COL13A1: variants seen among roughly 807,000 people sequenced by gnomAD.
COL13A1 encodes the protein collagen alpha-1(XIII) chain.
A neutral mutation model predicts 130.9 loss-of-function variants in COL13A1; 89 were observed. The observed-to-expected ratio is 0.68, with a 90% confidence interval of 0.57 to 0.81. COL13A1 has a LOEUF of 0.81. COL13A1 is among the 30% of genes least tolerant of loss of function. COL13A1 has a pLI of 0.00. For synonymous variants in COL13A1, 402 were observed against 341.6 expected (o/e 1.18, Z -1.95); for missense variants, 879 against 934.6 (o/e 0.94, Z 0.78).
At chr10:69,916,391 C>A (rs1436357376) in intron 17 of COL13A1, among the ~76,000 whole-genome samples, 1 of 152,206 alleles carries the variant, frequency 6.6e-6, no homozygotes, top group African/African-American at 2.4e-5. Context: ...CCAGCTGGGG[C>A]TTCGTGCTCA....
chr10:69,810,341 T>A (rs1006172055), intron 1 of COL13A1, among the ~76,000 whole-genome samples: 6 of 85,972 alleles, frequency 7.0e-5, no homozygotes, highest in African/African-American at 2.9e-4. Flanking sequence ...TGGCAGGCCC[T>A]GAGAATGAGA....
intron 2 of COL13A1, among the ~76,000 whole-genome samples, chr10:69,862,680 C>A (rs1412205245): frequency 6.6e-6 from 1 of 152,204 alleles, no homozygotes; most frequent in Non-Finnish European, 1.5e-5. Flanking sequence ...CATGTGCCTC[C>A]TTCAAGCTTC....
intron 2 of COL13A1, among the ~76,000 whole-genome samples, chr10:69,828,176 C>A (rs1227754): frequency 0.99 from 150,850 of 152,268 alleles, 74,736 homozygotes; most frequent in East Asian, 1. Flanking sequence ...AAGAGATCCT[C>A]CTGTTCGATT....
chr10:69,807,571 G>A (rs1323540539), intron 1 of COL13A1, among the ~76,000 whole-genome samples: 1 of 152,212 alleles, frequency 6.6e-6, no homozygotes, highest in Non-Finnish European at 1.5e-5. Context: ...AAAGATTGGG[G>A]CTGTGGATGG....
intron 10 of COL13A1, among the ~76,000 whole-genome samples, chr10:69,893,425 G>A (rs1441207664): frequency 1.3e-5 from 2 of 152,230 alleles, no homozygotes; most frequent in Non-Finnish European, 2.9e-5. Context: ...TGGTCCCAAA[G>A]GCCACTTCTC....
chr10:69,914,847 A>C (rs900496527), intron 17 of COL13A1, among the ~76,000 whole-genome samples: 2 of 152,212 alleles, frequency 1.3e-5, no homozygotes, highest in African/African-American at 4.8e-5. Flanking sequence ...CTGGCCACAG[A>C]GCGGCTGTGC....
At chr10:69,832,027 G>T (rs1277204651) in intron 2 of COL13A1, among the ~76,000 whole-genome samples, 1 of 152,168 alleles carries the variant, frequency 6.6e-6, no homozygotes, top group Admixed American at 6.5e-5. Context: ...AGGGCTTCAG[G>T]TGACATGGGG....
Position 69,958,725 on chromosome 10 carries a change from G to A in COL13A1, c.*24G>A, listed in dbSNP as rs533913053. On this transcript the variant is annotated 3_prime_UTR_variant, in exon 41 of 41. Transcript: ENST00000645393. ...GATGCCTCTAACCTTGGATTGGCCTGTGTGTGTGTTTGTACATAGAATATT... is the reference window on the plus strand; with the variant it reads ...GATGCCTCTAACCTTGGATTGGCCTATGTGTGTGTTTGTACATAGAATATT... 2 of 1,611,674 alleles carry A rather than the reference G, an allele frequency of 1.2e-6. No individual in the cohort carries two copies. The highest frequency in any genetic ancestry group is 2.2e-5 in the South Asian group (2 of 90,736).
intron 21 of COL13A1, among the ~76,000 whole-genome samples, chr10:69,920,302 T>G (rs866375363): frequency 2.0e-5 from 3 of 152,214 alleles, no homozygotes; most frequent in Admixed American, 6.5e-5. Context: ...CTCACATTAT[T>G]ACACATGAGA....
At chr10:69,898,316 C>G (rs1322098677) in intron 13 of COL13A1, among the ~76,000 whole-genome samples, 2 of 152,220 alleles carry the variant, frequency 1.3e-5, no homozygotes, top group African/African-American at 4.8e-5. Context: ...GGCTGTGTGT[C>G]CAGCAGCCTC....
chr10:69,828,866 C>T (rs1247031199), intron 2 of COL13A1, among the ~76,000 whole-genome samples: 1 of 152,222 alleles, frequency 6.6e-6, no homozygotes, highest in Non-Finnish European at 1.5e-5. Flanking sequence ...AGAGGTTTCT[C>T]CCTGACTGCT....
At chr10:69,895,628 C>T (rs368552085) in intron 13 of COL13A1, 52 bp downstream of exon 13, 21 of 1,596,812 alleles carry the variant, frequency 1.3e-5, no homozygotes, top group Non-Finnish European at 1.5e-5. Flanking sequence ...CCCTGGGGCA[C>T]AGCGCCCAGC....
At chr10:69,819,147 G>C (rs79310210) in intron 1 of COL13A1, among the ~76,000 whole-genome samples, 2,461 of 152,294 alleles carry the variant, frequency 0.016, 64 homozygotes, top group African/African-American at 0.056. Context: ...GAAGTTAGAG[G>C]ACCCAGAATT....
rs535834796 is a variant in COL13A1, at chr10:69,838,309, A to G, written c.364+15871A>G. On this transcript the variant is annotated intron_variant, in intron 2 of 40. Transcript: ENST00000645393. ...TCTAGGGTCACCCAGCCAATGCTGG[A>G]AACACCTAGACTAACAAAGTGGCAG... is the stretch of plus-strand genomic sequence containing the variant. Among the ~76,000 whole-genome samples, 9 of 152,366 alleles carry G rather than the reference A, an allele frequency of 5.9e-5. No individual in the cohort carries two copies. In the South Asian group the frequency reaches 1.9e-3, roughly 32 times the overall value.
intron 4 of COL13A1, 77 bp from the exon 5 acceptor site, chr10:69,875,051 C>G: frequency 1.3e-6 from 2 of 1,589,578 alleles, no homozygotes; most frequent in Non-Finnish European, 8.6e-7. Flanking sequence ...ATCAGGTGCA[C>G]AGTTTGCCTA....
chr10:69,822,847 T>A (rs1846464104), intron 2 of COL13A1, among the ~76,000 whole-genome samples: 1 of 152,240 alleles, frequency 6.6e-6, no homozygotes, highest in Admixed American at 6.5e-5. Context: ...GTTTGTTACC[T>A]GAATGAATGA....
At chr10:69,859,666 C>T (rs977499028) in intron 2 of COL13A1, among the ~76,000 whole-genome samples, 1 of 152,172 alleles carries the variant, frequency 6.6e-6, no homozygotes, top group Admixed American at 6.5e-5. Flanking sequence ...GCTTGGGACT[C>T]AAGGGCTGGG....
At chr10:69,897,659 C>A in intron 13 of COL13A1, 2 of 1,053,794 alleles carry the variant, frequency 1.9e-6, no homozygotes, top group Non-Finnish European at 2.8e-6. Flanking sequence ...CACTGCTGTC[C>A]AAGAAGGCAG....
At chr10:69,829,282 G>C (rs1848252470) in intron 2 of COL13A1, 2 of 984,848 alleles carry the variant, frequency 2.0e-6, no homozygotes, top group Admixed American at 1.2e-4. Flanking sequence ...ACAGAAGCCA[G>C]AATGGTATTT....
Sources: gnomAD v4.1 joint callset for allele counts (sites outside exome capture counted in the v4.1 genomes callset) on GRCh38, gnomAD v4.1.1 for gene constraint, MANE v1.5 for transcripts, NCBI Gene and HGNC (gene_info 2026-07-23, HGNC 2026-07-21) for gene names.